Variants in ASTN2 observed in about 807,000 individuals in gnomAD.
ASTN2 encodes astrotactin-2.
Under a neutral mutation model 139.8 loss-of-function variants are expected in ASTN2, and 54 were observed. That is an observed-to-expected ratio of 0.39 (90% CI 0.31 to 0.48). The LOEUF is 0.48. Among genes scored for constraint, ASTN2 ranks in the 20% least tolerant of loss-of-function variants. The probability of loss-of-function intolerance (pLI) is 0.95; values close to 1 mark genes in which losing one functional copy is unlikely to be tolerated. For synonymous variants in ASTN2, 756 were observed against 719.5 expected, an observed-to-expected ratio of 1.05 and a Z score of -0.81; for missense variants, 1,565 against 1,725.1, an observed-to-expected ratio of 0.91 and a Z score of 1.64.
chr9:116,602,755 C>T (rs1854971827), intron 19 of ASTN2, among the ~76,000 whole-genome samples: 1 of 151,966 alleles, frequency 6.6e-6, no homozygotes, highest in South Asian at 2.1e-4. Flanking sequence ...ATGATGAATC[C>T]CTGTCTCTAC....
chr9:117,019,655 T>C (rs1271218292), intron 6 of ASTN2, among the ~76,000 whole-genome samples: 1 of 152,092 alleles, frequency 6.6e-6, no homozygotes, highest in East Asian at 1.9e-4. Flanking sequence ...GTGGCTGAGG[T>C]CCACGTTTCT....
At chr9:116,656,785 C>A (rs1350809235) in intron 16 of ASTN2, among the ~76,000 whole-genome samples, 1 of 151,720 alleles carries the variant, frequency 6.6e-6, no homozygotes, top group Admixed American at 6.6e-5. Flanking sequence ...TTGCCCTCAT[C>A]CAGAAAACAA....
chr9:116,682,161 A>C (rs1859918579), intron 16 of ASTN2, among the ~76,000 whole-genome samples: 1 of 152,154 alleles, frequency 6.6e-6, no homozygotes, highest in African/African-American at 2.4e-5. Flanking sequence ...TCTACAATGA[A>C]CTCAAACAAA....
Position 116,907,410 on chromosome 9 carries a change from G to A in ASTN2, c.1890-43677C>T, listed in dbSNP as rs140559875. Among the ~76,000 whole-genome samples, 14 of 152,284 alleles carry A rather than the reference G, an allele frequency of 9.2e-5. No homozygotes were observed. The East Asian group carries it at 2.3e-3, about 25-fold the overall frequency. On this transcript the variant is annotated intron_variant, in intron 10 of 22. Transcript: ENST00000313400. ...GAGACAACCCCTCAGGGAAGTGTCC[G>A]AGGCAGGCTCCAAGAAGTGACAGCT...
At position 116,710,308 on chromosome 9, in the gene ASTN2, G is replaced by GGT. The variant is rs536053169; in HGVS notation, c.2806+15461_2806+15462dup. ...GTGATACATCTTTTCATATCTTCTT[G>GGT]GTGTGTGTGTGTGGTATCATCAGCC... On this transcript the variant is annotated intron_variant, in intron 16 of 22. Transcript: ENST00000313400. 6.1e-3 allele frequency among the ~76,000 whole-genome samples: 927 copies of GGT among 152,000 alleles called. 11 individuals carry two copies. The highest frequency in any genetic ancestry group is 7.5e-3 in the Non-Finnish European group (513 of 67,960).
chr9:117,138,747 G>A (rs1439824368), intron 4 of ASTN2, among the ~76,000 whole-genome samples: 5 of 152,160 alleles, frequency 3.3e-5, no homozygotes, highest in Non-Finnish European at 7.3e-5. Context: ...ATTTCTTCAT[G>A]CATAGTTTTC....
rs115769753 is a variant in ASTN2 at position 116,932,624 on chromosome 9, C to T, written c.1889+42584G>A. Among the ~76,000 whole-genome samples, 1,208 of 152,100 alleles carry T rather than the reference C, an allele frequency of 7.9e-3. 15 individuals carry two copies. The highest frequency in any genetic ancestry group is 0.028 in the African/African-American group (1,159 of 41,486). ...CCCCATGAGAGCTAGACATCAGGGA[C>T]GCAGGAACAGAAAGCTACAGGAACC... On this transcript the variant is annotated intron_variant, in intron 10 of 22. Transcript: ENST00000313400.
At chr9:116,877,778 C>T (rs563687449) in intron 10 of ASTN2, among the ~76,000 whole-genome samples, 2 of 151,794 alleles carry the variant, frequency 1.3e-5, no homozygotes, top group African/African-American at 4.8e-5. Context: ...ATTCCTCTGG[C>T]AAAAAAAGCC....
chr9:117,327,843 T>C (rs1587951261), intron 1 of ASTN2, among the ~76,000 whole-genome samples: 1 of 152,188 alleles, frequency 6.6e-6, no homozygotes, highest in East Asian at 1.9e-4. Context: ...ATTCAACAGA[T>C]TTATTTCACA....
intron 2 of ASTN2, among the ~76,000 whole-genome samples, chr9:117,246,521 T>C (rs1833387394): frequency 6.6e-6 from 1 of 152,278 alleles, no homozygotes. Context: ...AATCAAACAG[T>C]TAATGTGTAT....
chr9:117,042,922 G>A (rs973260425), intron 5 of ASTN2, among the ~76,000 whole-genome samples: 2 of 152,130 alleles, frequency 1.3e-5, no homozygotes, highest in Non-Finnish European at 1.5e-5. Flanking sequence ...CCAGGCTGGA[G>A]TGTGGTGGCG....
chr9:117,400,542 A>G (rs182210675), intron 1 of ASTN2, among the ~76,000 whole-genome samples: 1 of 152,240 alleles, frequency 6.6e-6, no homozygotes, highest in Non-Finnish European at 1.5e-5. Flanking sequence ...TACTTTGGGC[A>G]GTCCCCCTCC....
At chr9:116,503,044 AGAAGG>A (rs1362435029) in intron 19 of ASTN2, among the ~76,000 whole-genome samples, 2 of 150,142 alleles carry the variant, frequency 1.3e-5, no homozygotes, top group East Asian at 4.0e-4. Flanking sequence ...GAAGGAAAGA[AGAAGG>A]GAAGGAAGAA....
chr9:116,519,724 C>A (rs1477484124), intron 19 of ASTN2, among the ~76,000 whole-genome samples: 5 of 151,882 alleles, frequency 3.3e-5, no homozygotes, highest in African/African-American at 1.2e-4. Context: ...AAATCTGGTT[C>A]TTTGAAAAGA....
intron 3 of ASTN2, among the ~76,000 whole-genome samples, chr9:117,200,416 A>T (rs1268046057): frequency 2.0e-5 from 3 of 152,138 alleles, no homozygotes; most frequent in African/African-American, 4.8e-5. Context: ...AGGAGTGGTG[A>T]GAGAGGGCAT....
intron 2 of ASTN2, among the ~76,000 whole-genome samples, chr9:117,275,143 A>G (rs574384444): frequency 6.6e-6 from 1 of 152,306 alleles, no homozygotes; most frequent in Non-Finnish European, 1.5e-5. Context: ...CATTTCCATC[A>G]GAAACCTCAC....
At chr9:117,100,475 T>G (rs1256975182) in intron 4 of ASTN2, among the ~76,000 whole-genome samples, 1 of 152,244 alleles carries the variant, frequency 6.6e-6, no homozygotes, top group Non-Finnish European at 1.5e-5. Context: ...ATTAAAATAT[T>G]ATCATGTTAA....
At chr9:116,530,152 A>ATATAT (rs1564345877) in intron 19 of ASTN2, among the ~76,000 whole-genome samples, 10 of 25,328 alleles carry the variant, frequency 3.9e-4, no homozygotes, top group African/African-American at 5.2e-4. Flanking sequence ...TATATATATA[A>ATATAT]AATAGAATAT....
intron 1 of ASTN2, among the ~76,000 whole-genome samples, chr9:117,305,429 A>G (rs1378929022): frequency 1.3e-5 from 2 of 152,144 alleles, no homozygotes; most frequent in Admixed American, 6.5e-5. Context: ...ATTCCCTGCT[A>G]TTTTTTTAAA....
Sources: gnomAD v4.1 joint callset for allele counts (sites outside exome capture counted in the v4.1 genomes callset) on GRCh38, gnomAD v4.1.1 for gene constraint, MANE v1.5 for transcripts, NCBI Gene and HGNC (gene_info 2026-07-23, HGNC 2026-07-21) for gene names.